The following HPSE2 variants were observed in gnomAD, a reference collection of about 807,000 sequenced individuals.
HPSE2 encodes the protein inactive heparanase-2.
A neutral mutation model predicts 60.5 loss-of-function variants in HPSE2; 38 were observed. The ratio of observed to expected loss-of-function variants is 0.63; its 90% confidence interval spans 0.48 to 0.82. The LOEUF (loss-of-function observed/expected upper bound fraction) is 0.82, where lower values mean the gene tolerates loss of function less well. Among genes scored for constraint, HPSE2 ranks in the 40% least tolerant of loss-of-function variants. HPSE2 has a pLI of 0.00. For synonymous variants in HPSE2, 295 were observed against 293.2 expected (o/e 1.01, Z -0.06); for missense variants, 713 against 740.4 (o/e 0.96, Z 0.43).
At chr10:99,018,628 G>C (rs1159315597) in intron 3 of HPSE2, among the ~76,000 whole-genome samples, 1 of 152,172 alleles carries the variant, frequency 6.6e-6, no homozygotes, top group Non-Finnish European at 1.5e-5. Flanking sequence ...AGATGTACAG[G>C]TGCCAAAATT....
At chr10:98,905,371 T>C (rs1229135799) in intron 3 of HPSE2, among the ~76,000 whole-genome samples, 2 of 147,984 alleles carry the variant, frequency 1.4e-5, no homozygotes, top group Non-Finnish European at 3.0e-5. Flanking sequence ...CCATGTGATC[T>C]CATTGTTCAA....
chr10:99,163,985 G>A (rs1047875356), intron 2 of HPSE2, among the ~76,000 whole-genome samples: 9 of 151,470 alleles, frequency 5.9e-5, no homozygotes, highest in Non-Finnish European at 1.0e-4. Context: ...TCCATACAAC[G>A]TTACTATTTT....
the HPSE2 span, among the ~76,000 whole-genome samples, chr10:99,306,033 G>A: frequency 7.6e-6 from 1 of 132,142 alleles, no homozygotes; most frequent in Non-Finnish European, 1.6e-5. Flanking sequence ...TGGGGAGTAG[G>A]AGAGAACAAA....
intron 2 of HPSE2, among the ~76,000 whole-genome samples, chr10:99,193,990 G>T (rs984949811): frequency 1.3e-5 from 2 of 151,664 alleles, no homozygotes; most frequent in African/African-American, 4.8e-5. Context: ...TCTTATCCTC[G>T]GTACATAGGT....
At chr10:98,927,523 T>A (rs982726872) in intron 3 of HPSE2, among the ~76,000 whole-genome samples, 52 of 146,754 alleles carry the variant, frequency 3.5e-4, no homozygotes, top group East Asian at 2.4e-3. Flanking sequence ...AGAGTCCGCA[T>A]CACCAAGGCA....
At chr10:99,190,201 A>AAC (rs1168049665) in intron 2 of HPSE2, among the ~76,000 whole-genome samples, 12 of 152,224 alleles carry the variant, frequency 7.9e-5, no homozygotes, top group African/African-American at 2.7e-4. Flanking sequence ...ATTTCACAAC[A>AAC]ACACAAAGTG....
chr10:98,801,686 T>A (rs1373792781), intron 3 of HPSE2, among the ~76,000 whole-genome samples: 7 of 150,210 alleles, frequency 4.7e-5, no homozygotes, highest in African/African-American at 1.7e-4. Flanking sequence ...ATGAAAAAAA[T>A]GGAAAAGGAC....
At chr10:99,011,558 C>T (rs1957016219) in intron 3 of HPSE2, among the ~76,000 whole-genome samples, 1 of 151,814 alleles carries the variant, frequency 6.6e-6, no homozygotes, top group Non-Finnish European at 1.5e-5. Context: ...GAGATAGAGA[C>T]CATCCTAGCC....
intron 3 of HPSE2, among the ~76,000 whole-genome samples, chr10:98,753,669 C>T (rs1053056902): frequency 6.6e-6 from 1 of 152,146 alleles, no homozygotes; most frequent in Admixed American, 6.5e-5. Flanking sequence ...AAGTGCTTAA[C>T]CTTGGGGGCC....
intron 10 of HPSE2, among the ~76,000 whole-genome samples, chr10:98,488,662 A>G (rs1212833542): frequency 6.6e-6 from 1 of 152,180 alleles, no homozygotes; most frequent in Non-Finnish European, 1.5e-5. Flanking sequence ...TAATTTTTCT[A>G]TCTCGAGTCT....
chr10:99,160,753 G>C (rs1269513602), intron 2 of HPSE2, among the ~76,000 whole-genome samples: 1 of 151,302 alleles, frequency 6.6e-6, no homozygotes, highest in Non-Finnish European at 1.5e-5. Context: ...CAAAAAATTA[G>C]CCGGGCGTAG....
At chr10:98,523,416 C>G (rs965306908) in intron 9 of HPSE2, among the ~76,000 whole-genome samples, 1 of 152,114 alleles carries the variant, frequency 6.6e-6, no homozygotes, top group Non-Finnish European at 1.5e-5. Flanking sequence ...CACCTTGGCA[C>G]AGAAACCCAG....
chr10:98,529,929 T>A (rs1943079804), intron 9 of HPSE2, among the ~76,000 whole-genome samples: 1 of 152,226 alleles, frequency 6.6e-6, no homozygotes, highest in Non-Finnish European at 1.5e-5. Flanking sequence ...CATTTATATC[T>A]TCAGCCATGG....
chr10:98,905,560 C>A (rs1390560343), intron 3 of HPSE2, among the ~76,000 whole-genome samples: 1 of 152,128 alleles, frequency 6.6e-6, no homozygotes, highest in Non-Finnish European at 1.5e-5. Flanking sequence ...TCTATTCATT[C>A]AGCCTATAGG....
At chr10:99,239,888 T>C (rs1305227940), upstream of HPSE2, among the ~76,000 whole-genome samples, 2 of 152,146 alleles carry the variant, frequency 1.3e-5, no homozygotes, top group African/African-American at 4.8e-5. Flanking sequence ...TGAGTAAATT[T>C]AGCTTTATGA....
At chr10:99,175,536 T>C (rs1234363734) in intron 2 of HPSE2, among the ~76,000 whole-genome samples, 1 of 152,172 alleles carries the variant, frequency 6.6e-6, no homozygotes, top group African/African-American at 2.4e-5. Context: ...CCACCACAGC[T>C]CAGCAAGGCT....
At chr10:99,135,807 T>C (rs956030654) in intron 3 of HPSE2, among the ~76,000 whole-genome samples, 1 of 151,548 alleles carries the variant, frequency 6.6e-6, no homozygotes, top group South Asian at 2.1e-4. Flanking sequence ...ATTCTTTTAA[T>C]TTTAACATCA....
At chr10:98,525,398 T>A (rs1942935254) in intron 9 of HPSE2, among the ~76,000 whole-genome samples, 1 of 152,216 alleles carries the variant, frequency 6.6e-6, no homozygotes, top group South Asian at 2.1e-4. Flanking sequence ...CAACATCTCC[T>A]TCGTCTTGTC....
intron 3 of HPSE2, among the ~76,000 whole-genome samples, chr10:99,005,114 T>C (rs185568619): frequency 2.6e-5 from 4 of 152,322 alleles, no homozygotes; most frequent in Admixed American, 2.6e-4. Context: ...TATTATAATA[T>C]GTCTTGGCAT....
Sources: allele counts gnomAD v4.1 joint callset (sites outside exome capture counted in the v4.1 genomes callset), GRCh38; gene constraint gnomAD v4.1.1; transcripts MANE v1.5; gene names NCBI Gene and HGNC (gene_info 2026-07-23, HGNC 2026-07-21).